ROR1: variants seen among roughly 807,000 people sequenced by gnomAD.
ROR1 encodes inactive tyrosine-protein kinase transmembrane receptor ROR1.
In ROR1, 19 loss-of-function variants were observed where a neutral mutation model predicts 78.8. The observed-to-expected ratio is 0.24, with a 90% confidence interval of 0.17 to 0.35. The LOEUF is 0.35. Ranked by LOEUF, ROR1 falls within the 10% of genes least tolerant of loss-of-function variation. The probability of loss-of-function intolerance (pLI) is 1.00; values close to 1 mark genes in which losing one functional copy is unlikely to be tolerated. For missense variants in ROR1, 917 were observed against 1,177.8 expected (o/e 0.78, Z 3.24); for synonymous variants, 386 against 433.6 (o/e 0.89, Z 1.36).
chr1:63,938,219 G>C (rs988116844), intron 1 of ROR1, among the ~76,000 whole-genome samples: 7 of 152,120 alleles, frequency 4.6e-5, no homozygotes, highest in African/African-American at 7.2e-5. Context: ...ATAGAGTATA[G>C]AATCTATTTA....
intron 1 of ROR1, among the ~76,000 whole-genome samples, chr1:64,001,446 G>A (rs560098988): frequency 2.0e-5 from 3 of 152,246 alleles, no homozygotes; most frequent in Admixed American, 1.3e-4. Context: ...TCGAATCTAC[G>A]CTTGCAATGA....
intron 1 of ROR1, among the ~76,000 whole-genome samples, chr1:63,898,590 G>A (rs546422139): frequency 5.3e-5 from 8 of 149,552 alleles, no homozygotes; most frequent in East Asian, 3.9e-4. Context: ...AAGAGAGAGA[G>A]AAAAAATAAA....
At chr1:63,990,378 G>A (rs1214275143) in intron 1 of ROR1, among the ~76,000 whole-genome samples, 3 of 152,120 alleles carry the variant, frequency 2.0e-5, no homozygotes, top group Non-Finnish European at 2.9e-5. Context: ...GTAATTCCTG[G>A]ACTCTTCAAT....
rs574737172 is a variant in ROR1, at chr1:63,845,418, GGTA to G, written c.91+70911_91+70913del. Among the ~76,000 whole-genome samples, 818 of 152,216 alleles carry G rather than the reference GGTA, an allele frequency of 5.4e-3. 9 individuals carry two copies. The highest frequency in any genetic ancestry group is 0.019 in the African/African-American group (780 of 41,540). The stretch of plus-strand genomic sequence containing the variant: ...CTGAACTAACCCTACTAGTAGTAGT[GGTA>G]ACTACTATACAATAGTATTTGGAGT... On this transcript the variant is annotated intron_variant, in intron 1 of 8. Transcript: ENST00000371079.
intron 4 of ROR1, among the ~76,000 whole-genome samples, chr1:64,104,250 G>A (rs1000074826): frequency 6.6e-6 from 1 of 152,090 alleles, no homozygotes; most frequent in African/African-American, 2.4e-5. Context: ...AAGAGTCAGG[G>A]TTCTTATCCA....
chr1:63,859,325 T>C (rs1203152992), intron 1 of ROR1, among the ~76,000 whole-genome samples: 1 of 152,204 alleles, frequency 6.6e-6, no homozygotes, highest in Non-Finnish European at 1.5e-5. Flanking sequence ...GGGGACACTT[T>C]TGTGATGCTT....
Position 64,014,884 on chromosome 1 carries a change from G to C in ROR1, c.163+5508G>C, listed in dbSNP as rs565711796. Among the ~76,000 whole-genome samples the C allele has an allele frequency of 3.1e-3, 468 of 148,690 alleles. 4 individuals carry two copies. The highest frequency in any genetic ancestry group is 0.011 in the African/African-American group (449 of 40,348). ...TAAACATGGGCTCTAAAGTTACTATGACTCTGAGCTTCCTTTTGCTCACCT... is the reference window on the plus strand; with the variant it reads ...TAAACATGGGCTCTAAAGTTACTATCACTCTGAGCTTCCTTTTGCTCACCT... On this transcript the variant is annotated intron_variant, in intron 2 of 8. Coordinates refer to ENST00000371079, the MANE Select transcript of ROR1 (RefSeq NM_005012.4).
At chr1:64,147,577 C>T (rs1233830516) in intron 7 of ROR1, among the ~76,000 whole-genome samples, 1 of 152,126 alleles carries the variant, frequency 6.6e-6, no homozygotes, top group Admixed American at 6.5e-5. Flanking sequence ...CTCCCAGTCG[C>T]CCTCAGCCCA....
intron 1 of ROR1, among the ~76,000 whole-genome samples, chr1:64,004,561 G>T (rs1263821073): frequency 6.6e-6 from 1 of 152,174 alleles, no homozygotes; most frequent in African/African-American, 2.4e-5. Flanking sequence ...TACTGGGCTG[G>T]CCGCTGGTCT....
rs200292093 is a variant in ROR1, at chr1:64,121,059, C to CTTT, written c.483-16273_483-16271dup. 3.1e-3 allele frequency among the ~76,000 whole-genome samples: 251 copies of CTTT among 81,998 alleles called. 7 individuals are homozygous for CTTT. The highest frequency in any genetic ancestry group is 3.9e-3 in the Non-Finnish European group (175 of 45,136). 53.8% of individuals were successfully genotyped at this position (81,998 alleles called of 152,430 possible). On this transcript the variant is annotated intron_variant, in intron 4 of 8. Transcript: ENST00000371079. ...CCACACTCCAGTCAGGGAGATACCCCTTTTTTTTTTTTTTTTTTTTTTTTT... is the reference window on the plus strand; with the variant it reads ...CCACACTCCAGTCAGGGAGATACCCCTTTTTTTTTTTTTTTTTTTTTTTTTTTT...
At chr1:64,093,332 G>A (rs1415136259) in intron 4 of ROR1, among the ~76,000 whole-genome samples, 3 of 152,084 alleles carry the variant, frequency 2.0e-5, no homozygotes, top group African/African-American at 7.2e-5. Context: ...GGGTAGCTCG[G>A]CCTTAACAAT....
chr1:64,087,529 T>C (rs1647164464), intron 4 of ROR1, among the ~76,000 whole-genome samples: 1 of 152,204 alleles, frequency 6.6e-6, no homozygotes, highest in African/African-American at 2.4e-5. Context: ...TTATTTCTGT[T>C]TTGATGGCAT....
At chr1:64,096,452 A>T (rs1468925891) in intron 4 of ROR1, among the ~76,000 whole-genome samples, 1 of 152,010 alleles carries the variant, frequency 6.6e-6, no homozygotes, top group African/African-American at 2.4e-5. Context: ...ATGTGTTCTC[A>T]TCATTTAGCT....
chr1:63,852,347 C>G (rs1645119236), intron 1 of ROR1, among the ~76,000 whole-genome samples: 1 of 152,218 alleles, frequency 6.6e-6, no homozygotes, highest in Non-Finnish European at 1.5e-5. Context: ...CTGCAACTTT[C>G]CTATGTATTT....
intron 7 of ROR1, among the ~76,000 whole-genome samples, chr1:64,150,649 A>C (rs1237349987): frequency 6.6e-6 from 1 of 152,240 alleles, no homozygotes; most frequent in Non-Finnish European, 1.5e-5. Flanking sequence ...GTAAAGGAGG[A>C]AGAAGTATAG....
At chr1:64,164,577 T>C (rs911684256) in intron 8 of ROR1, among the ~76,000 whole-genome samples, 4 of 152,242 alleles carry the variant, frequency 2.6e-5, no homozygotes, top group Non-Finnish European at 4.4e-5. Context: ...ATTATTGTTA[T>C]AACTGATGAG....
intron 7 of ROR1, chr1:64,143,280 G>A (rs1346560743): frequency 3.1e-6 from 3 of 973,618 alleles, no homozygotes; most frequent in Non-Finnish European, 3.7e-6. Context: ...AACACTCTAG[G>A]AAGGCCGAGG....
chr1:64,136,201 G>A (rs1649095538), intron 4 of ROR1, among the ~76,000 whole-genome samples: 1 of 152,124 alleles, frequency 6.6e-6, no homozygotes, highest in Non-Finnish European at 1.5e-5. Flanking sequence ...GTCAGTTACT[G>A]TGTCCAACTT....
intron 8 of ROR1, among the ~76,000 whole-genome samples, chr1:64,175,008 T>G (rs892428512): frequency 1.3e-5 from 2 of 150,716 alleles, no homozygotes; most frequent in African/African-American, 4.8e-5. Context: ...CCTATTGTTT[T>G]TTTTTTTTTA....
Sources: gnomAD v4.1 joint callset for allele counts (sites outside exome capture counted in the v4.1 genomes callset) on GRCh38, gnomAD v4.1.1 for gene constraint, MANE v1.5 for transcripts, NCBI Gene and HGNC (gene_info 2026-07-23, HGNC 2026-07-21) for gene names.